Variants in STAG3 observed in about 807,000 individuals in gnomAD.
STAG3 encodes STAG3 cohesin complex component.
Under a neutral mutation model 160.7 loss-of-function variants are expected in STAG3, and 101 were observed. That is an observed-to-expected ratio of 0.63 (90% CI 0.54 to 0.74). The LOEUF (loss-of-function observed/expected upper bound fraction) is 0.74, where lower values mean the gene tolerates loss of function less well. Ranked by LOEUF, STAG3 falls within the 30% of genes least tolerant of loss-of-function variation. STAG3 has a pLI of 0.00. For missense variants in STAG3, 1,188 were observed against 1,517.4 expected, an observed-to-expected ratio of 0.78 and a Z score of 3.61; for synonymous variants, 519 against 585.0, an observed-to-expected ratio of 0.89 and a Z score of 1.63.
intron 32 of STAG3, chr7:100,213,375 A>G: frequency 1.0e-6 from 1 of 978,148 alleles, no homozygotes; most frequent in Non-Finnish European, 1.2e-6. Flanking sequence ...GAAAAAGAAC[A>G]GAATAGAACA....
intron 29 of STAG3, 42 bp from the exon 30 acceptor site, chr7:100,210,969 G>A (rs369421248): frequency 1.1e-5 from 18 of 1,583,532 alleles, no homozygotes; most frequent in African/African-American, 6.8e-5. Flanking sequence ...CACACCTGTC[G>A]CAGGCCCTGG....
At chr7:100,217,542 G>A (rs1263959890), downstream of STAG3, among the ~76,000 whole-genome samples, 3 of 152,028 alleles carry the variant, frequency 2.0e-5, no homozygotes, top group Non-Finnish European at 2.9e-5. Context: ...AGAGATAGAA[G>A]AAAAGACAGC....
chr7:100,195,288 C>T (rs560770609), intron 8 of STAG3, 21 bp from the exon 9 acceptor site: 3 of 1,611,496 alleles, frequency 1.9e-6, no homozygotes, highest in South Asian at 2.2e-5. Flanking sequence ...AAAGATTAAC[C>T]CGTTTCTCCC....
chr7:100,195,655 C>T (rs1338669168), intron 9 of STAG3, among the ~76,000 whole-genome samples: 2 of 152,150 alleles, frequency 1.3e-5, no homozygotes, highest in African/African-American at 4.8e-5. Flanking sequence ...CAGATCTGCC[C>T]CAACTCCTCA....
rs1801122576 is a variant in STAG3, at chr7:100,201,434, C to G, written c.2220+83C>G. ...CGTTCTAGGTGGCCACTAGGTGTGT[C>G]AAGTCTCAGTGCGTGGAGTGGACAA... On this transcript the variant is annotated intron_variant, in intron 21 of 33. Coordinates refer to ENST00000615138, the MANE Select transcript of STAG3 (RefSeq NM_001282717.2). 7.2e-6 allele frequency: 9 copies of G among 1,243,262 alleles called. No homozygotes were observed. In the South Asian group the frequency reaches 1.1e-4, roughly 15 times the overall value. The allele number at this position is 1,243,262 out of a possible 1,614,324, so 77.0% of individuals were successfully genotyped here.
At chr7:100,217,373 G>A (rs1584825258), downstream of STAG3, among the ~76,000 whole-genome samples, 1 of 152,224 alleles carries the variant, frequency 6.6e-6, no homozygotes, top group Non-Finnish European at 1.5e-5. Flanking sequence ...GCTGAGGCCA[G>A]CTTAGGTAGC....
At chr7:100,215,417 C>G (rs560058107), downstream of STAG3, among the ~76,000 whole-genome samples, 34 of 152,134 alleles carry the variant, frequency 2.2e-4, no homozygotes, top group Non-Finnish European at 4.4e-4. Context: ...AGGTAGCCCT[C>G]GGGGAGTCAG....
Position 100,197,798 on chromosome 7 carries a change from G to C in STAG3, c.1086G>C (p.Lys362Asn). 4 of 1,613,802 alleles carry C rather than the reference G, an allele frequency of 2.5e-6. No individual in the cohort carries two copies. The African/African-American group carries it at 4.0e-5, about 16-fold the overall frequency. ...LHDKHREVRLKCVKALKGLYG... is the reference protein window; with the variant it reads ...LHDKHREVRLNCVKALKGLYG... ...ACCAGCACCGAGAAGTCCGCCTGAA[G>C]TGTGTGAAGGCCCTGAAAGGGCTGT... Residue 362 changes from lysine (K) to asparagine (N), a missense_variant, in exon 11 of 34, where the codon AAG becomes AAC. Lys to Asn is a moderately conservative substitution (Grantham distance 94). This residue lies in a region of STAG3 where 240 missense variants were observed against 358.1 expected (regional missense o/e 0.67). Transcript: ENST00000615138.
intron 31 of STAG3, 95 bp from the exon 32 acceptor site, chr7:100,211,700 A>G: frequency 1.4e-6 from 2 of 1,438,230 alleles, no homozygotes; most frequent in East Asian, 2.3e-5. Context: ...TGCTGTACTT[A>G]CTGCTCCCCA....
downstream of STAG3, among the ~76,000 whole-genome samples, chr7:100,215,389 T>TTG (rs1279460365): frequency 1.3e-5 from 2 of 151,398 alleles, no homozygotes; most frequent in East Asian, 2.0e-4. Flanking sequence ...AGAAATTGGG[T>TTG]TGAGTCTCCT....
chr7:100,204,568 C>T (rs983496770), intron 26 of STAG3, 59 bp from the exon 27 acceptor site: 62 of 1,580,436 alleles, frequency 3.9e-5, no homozygotes, highest in Non-Finnish European at 4.9e-5. Context: ...GAATGCTGGA[C>T]TTCTCTGTTT....
In STAG3 at chr7:100,213,720, C is replaced by T. The variant is rs1377627292; in HGVS notation, c.3601-15C>T. 2 of 1,613,582 alleles carry T rather than the reference C, an allele frequency of 1.2e-6. No individual in the cohort carries two copies. The highest frequency in any genetic ancestry group is 1.7e-5 in the Admixed American group (1 of 59,910). The stretch of plus-strand genomic sequence containing the variant: ...GTGTAAAGGCCTTTTTGACTTTTAA[C>T]CTCATTCTCTCTAGCAAGCAAGTAG... On this transcript the variant is annotated splice_polypyrimidine_tract_variant and intron_variant, in intron 32 of 33. Coordinates refer to ENST00000615138, the MANE Select transcript of STAG3 (RefSeq NM_001282717.2).
intron 8 of STAG3, among the ~76,000 whole-genome samples, chr7:100,193,316 A>G (rs1205225214): frequency 2.0e-5 from 3 of 152,202 alleles, no homozygotes; most frequent in African/African-American, 7.2e-5. Context: ...ATTGGCTTCA[A>G]CTTAAAGTCA....
Position 100,202,050 on chromosome 7 carries a change from T to C in STAG3, c.2394+9T>C, listed in dbSNP as rs923280012. ...CTGAGATCCAGGAGCAGGTGAGTAC[T>C]GACTCAAGTGGGAGCAACAAGGCGA... is the stretch of plus-strand genomic sequence containing the variant. On this transcript the variant is annotated intron_variant, in intron 23 of 33. Coordinates refer to ENST00000615138, the MANE Select transcript of STAG3 (RefSeq NM_001282717.2). The C allele has an allele frequency of 1.2e-6, 2 of 1,614,082 alleles. No individual in the cohort carries two copies. The highest frequency in any genetic ancestry group is 1.3e-5 in the African/African-American group (1 of 75,050).
intron 29 of STAG3, among the ~76,000 whole-genome samples, chr7:100,208,750 G>A (rs1483741482): frequency 1.3e-5 from 2 of 152,096 alleles, no homozygotes; most frequent in African/African-American, 2.4e-5. Flanking sequence ...GAACAAAAAA[G>A]CTAAACATCT....
At chr7:100,180,160 A>G (rs1222576193) in intron 1 of STAG3, among the ~76,000 whole-genome samples, 2 of 152,032 alleles carry the variant, frequency 1.3e-5, no homozygotes, top group Non-Finnish European at 2.9e-5. Flanking sequence ...GACTCAAGCA[A>G]TCCTCCCACC....
rs1802244551 is a variant in STAG3 at position 100,211,843 on chromosome 7, T to C, written c.3567T>C (p.Asp1189=). The change falls in exon 32 of 34, where the codon GAT becomes GAC. Residue 1189 remains aspartate (D), a synonymous_variant. Transcript: ENST00000615138. The part of the protein sequence containing the change: ...EDEEEELEIQ[D]ESNEERQDTD... ...AGGAAGAAGAGTTAGAAATCCAGGATGAGTCAAATGAAGAACGGCAGGATA... is the reference window on the plus strand; with the variant it reads ...AGGAAGAAGAGTTAGAAATCCAGGACGAGTCAAATGAAGAACGGCAGGATA... The C allele has an allele frequency of 6.2e-7, 1 of 1,614,050 alleles. No homozygotes were observed. Among genetic ancestry groups the C allele is most frequent in the African/African-American group, 1.3e-5 (1 of 74,978 alleles).
chr7:100,185,761 C>G (rs1302008280), intron 4 of STAG3, among the ~76,000 whole-genome samples: 2 of 152,112 alleles, frequency 1.3e-5, no homozygotes, highest in East Asian at 3.8e-4. Context: ...ACCCTCAGGT[C>G]ATAACAAGCT....
At chr7:100,183,293 C>T (rs1318610303) in intron 4 of STAG3, among the ~76,000 whole-genome samples, 13 of 152,122 alleles carry the variant, frequency 8.5e-5, no homozygotes, top group African/African-American at 2.2e-4. Flanking sequence ...GGATTACAGG[C>T]GTGAGTCACT....
Sources: gnomAD v4.1 joint callset for allele counts (sites outside exome capture counted in the v4.1 genomes callset) on GRCh38, gnomAD v4.1.1 for gene constraint, gnomAD v4.1.1 regional missense constraint, MANE v1.5 for transcripts, NCBI Gene and HGNC (gene_info 2026-07-23, HGNC 2026-07-21) for gene names.